Variants in KIF27 observed in about 807,000 individuals in gnomAD.
KIF27 encodes kinesin family member 27, also known as kinesin-like protein KIF27.
Under a neutral mutation model 141.8 loss-of-function variants are expected in KIF27, and 84 were observed. The ratio of observed to expected loss-of-function variants is 0.59; its 90% CI spans 0.50 to 0.71. The LOEUF (loss-of-function observed/expected upper bound fraction) is 0.71. Ranked by LOEUF, KIF27 falls within the 30% of genes least tolerant of loss-of-function variation. KIF27 has a pLI of 0.00. For missense variants in KIF27, 1,306 were observed against 1,628.4 expected (o/e 0.80, Z 3.41); for synonymous variants, 471 against 569.5 (o/e 0.83, Z 2.46).
At position 83,861,181 on chromosome 9, in the gene KIF27, T is replaced by A. The variant is rs1326821325; in HGVS notation, c.2935-1810A>T. Among the ~76,000 whole-genome samples, 244 of 149,530 alleles carry A rather than the reference T, an allele frequency of 1.6e-3. 1 individual carries two copies. Among genetic ancestry groups the A allele is most frequent in the African/African-American group, 5.6e-3 (227 of 40,784 alleles). ...GCTGGCCCCTTGATGGGCTATTTCT[T>A]TATATATATATATATAACTTTAAGT... On this transcript the variant is annotated intron_variant, in intron 13 of 17. Transcript: ENST00000297814.
chr9:83,848,734 G>A (rs572624140), intron 16 of KIF27: 2 of 151,598 alleles, frequency 1.3e-5, no homozygotes, highest in African/African-American at 4.8e-5. Flanking sequence ...CAGAATGCTG[G>A]GATTATAGGC....
rs796669934 is a variant in KIF27, at chr9:83,848,160, A to ATCTGATATATCATATATC, written c.3556+1938_3556+1939insGATATATGATATATCAGA. ...ATATGATATATCTGATATATCATAT[A>ATCTGATATATCATATATC]TGATATATCTGATATATCATATATG... On this transcript the variant is annotated intron_variant, in intron 16 of 17. Transcript: ENST00000297814. Among the ~76,000 whole-genome samples the ATCTGATATATCATATATC allele has an allele frequency of 7.0e-5, 3 of 42,956 alleles. 1 individual carries two copies. Among genetic ancestry groups the ATCTGATATATCATATATC allele is most frequent in the African/African-American group, 6.7e-4 (3 of 4,462 alleles). The allele number at this position is 42,956 out of a possible 152,430, so 28.2% of individuals were successfully genotyped here. A position where few individuals can be genotyped will look rare whatever the true frequency, so the allele number is the denominator to read the frequency against.
chr9:83,920,319 T>C (rs903719203), intron 1 of KIF27, among the ~76,000 whole-genome samples: 2 of 152,254 alleles, frequency 1.3e-5, no homozygotes, highest in African/African-American at 4.8e-5. Context: ...ATAGCACTTA[T>C]ACTTCAGATT....
chr9:83,914,266 A>G (rs1193207836), intron 2 of KIF27, among the ~76,000 whole-genome samples: 2 of 151,652 alleles, frequency 1.3e-5, no homozygotes, highest in African/African-American at 4.8e-5. Context: ...TACTAGAAAA[A>G]CTGAATTCTT....
At chr9:83,847,255 G>A (rs1947405894) in intron 16 of KIF27, among the ~76,000 whole-genome samples, 1 of 152,188 alleles carries the variant, frequency 6.6e-6, no homozygotes, top group Non-Finnish European at 1.5e-5. Context: ...GACTGTAACT[G>A]TCATAGTTCC....
chr9:83,856,075 C>T (rs966557204), intron 14 of KIF27, among the ~76,000 whole-genome samples: 1 of 152,136 alleles, frequency 6.6e-6, no homozygotes, highest in African/African-American at 2.4e-5. Flanking sequence ...ATACAAACCA[C>T]AGGTTATCAA....
At chr9:83,860,883 ATT>A (rs10648187) in intron 13 of KIF27, among the ~76,000 whole-genome samples, 8 of 142,896 alleles carry the variant, frequency 5.6e-5, no homozygotes, top group Admixed American at 1.4e-4. Flanking sequence ...TTGATGGGAG[ATT>A]TTTTTTTTTT....
chr9:83,850,989 C>T (rs1023815988), intron 15 of KIF27, among the ~76,000 whole-genome samples: 13 of 151,096 alleles, frequency 8.6e-5, no homozygotes, highest in African/African-American at 3.2e-4. Flanking sequence ...AGGCGCCCGC[C>T]ACCACGCCCA....
chr9:83,889,752 G>A (rs1952489576), intron 6 of KIF27, among the ~76,000 whole-genome samples: 1 of 151,940 alleles, frequency 6.6e-6, no homozygotes, highest in Non-Finnish European at 1.5e-5. Context: ...ATACCACAAT[G>A]TATATACTTA....
intron 14 of KIF27, among the ~76,000 whole-genome samples, chr9:83,856,508 C>T (rs1395343127): frequency 6.6e-6 from 1 of 151,560 alleles, no homozygotes; most frequent in African/African-American, 2.4e-5. Context: ...TTTGGGAAGC[C>T]GAGGTGGGTG....
At chr9:83,895,045 A>T (rs868863045) in intron 5 of KIF27, among the ~76,000 whole-genome samples, 87 of 151,594 alleles carry the variant, frequency 5.7e-4, no homozygotes, top group African/African-American at 2.0e-3. Flanking sequence ...GGAGATCGAG[A>T]CCAAGACCAT....
intron 16 of KIF27, among the ~76,000 whole-genome samples, chr9:83,846,180 G>A (rs418816): frequency 7.2e-5 from 11 of 151,886 alleles, no homozygotes; most frequent in African/African-American, 2.7e-4. Context: ...TCCTCAGGGT[G>A]ATCAGCGAGC....
At chr9:83,847,895 G>C (rs1162329445) in intron 16 of KIF27, 4 of 152,326 alleles carry the variant, frequency 2.6e-5, no homozygotes, top group African/African-American at 9.8e-5. Flanking sequence ...CCTATTGTGG[G>C]ACCTTGTGAT....
rs569974082 is a variant in KIF27, at chr9:83,908,467, C to T, written c.484G>A (p.Glu162Lys). Residue 162 changes from glutamate (E) to lysine (K), a missense_variant, in exon 3 of 18, where the codon GAA becomes AAA. Glu to Lys is a moderately conservative substitution (Grantham distance 56). Around this residue, in one of 4 missense-constraint regions of KIF27, gnomAD observed 533 missense variants for 565.6 expected, o/e 0.94. Coordinates refer to ENST00000297814, the MANE Select transcript of KIF27 (RefSeq NM_017576.4). ...SMKDLHIRED[E>K]KGNTVIVGAK... ...GCTACTTTACCTGTGTTTCCTTTTT[C>T]ATCTTCTCGGATGTGAAGATCCTTC... 1 of 1,605,590 alleles carries T rather than the reference C, an allele frequency of 6.2e-7. No individual in the cohort carries two copies. Among genetic ancestry groups the T allele is most frequent in the African/African-American group, 1.3e-5 (1 of 74,666 alleles).
intron 8 of KIF27, 118 bp downstream of exon 8, chr9:83,888,356 TACCAACTAGGAAAGC>T (rs1185944001): frequency 2.3e-6 from 1 of 432,496 alleles, no homozygotes; most frequent in South Asian, 9.0e-5. Flanking sequence ...AAAGAAGTTC[TACCAACTAGGAAAGC>T]ATTTGTACCA....
At chr9:83,875,724 G>A (rs1951162441) in intron 11 of KIF27, among the ~76,000 whole-genome samples, 1 of 152,174 alleles carries the variant, frequency 6.6e-6, no homozygotes, top group Non-Finnish European at 1.5e-5. Flanking sequence ...AAGACGGAGG[G>A]AGTGCTGAAC....
chr9:83,846,887 C>T (rs999910474), intron 16 of KIF27, among the ~76,000 whole-genome samples: 2 of 152,090 alleles, frequency 1.3e-5, no homozygotes, highest in Admixed American at 1.3e-4. Context: ...CAGCAGGCTA[C>T]GAAGGGAGTT....
Position 83,837,462 on chromosome 9 carries a change from G to A in KIF27, c.3745C>T (p.Leu1249=). ...AGCATGCCTCCTCCTTCTGGCTTCA[G>A]GACTCCATCTCCAGCCTCTTGATCT... ...SEYQEAGDGV[L]KPEGGGMLSE... is the part of the protein sequence containing the mutation. The change falls in exon 18 of 18, where the codon CTG becomes TTG. Residue 1249 remains leucine, a synonymous_variant. Coordinates refer to ENST00000297814, the MANE Select transcript of KIF27 (RefSeq NM_017576.4). The A allele has an allele frequency of 6.2e-7, 1 of 1,610,654 alleles. No individual in the cohort carries two copies. Among genetic ancestry groups the A allele is most frequent in the Non-Finnish European group, 8.5e-7 (1 of 1,178,356 alleles).
intron 5 of KIF27, among the ~76,000 whole-genome samples, chr9:83,898,515 G>T (rs994552202): frequency 4.6e-5 from 7 of 152,190 alleles, no homozygotes; most frequent in African/African-American, 1.2e-4. Context: ...AATAATAATT[G>T]TAAGGAGGCA....
Sources: gnomAD v4.1 joint callset for allele counts (sites outside exome capture counted in the v4.1 genomes callset) on GRCh38, gnomAD v4.1.1 for gene constraint, gnomAD v4.1.1 regional missense constraint, MANE v1.5 for transcripts, NCBI Gene and HGNC (gene_info 2026-07-23, HGNC 2026-07-21) for gene names.